The following TRANK1 variants were observed in gnomAD, a reference collection of about 807,000 sequenced individuals.
TRANK1 encodes the protein tetratricopeptide repeat and ankyrin repeat containing 1.
TRANK1 carries 198 observed loss-of-function variants against 266.0 expected under a neutral mutation model. The ratio of observed to expected loss-of-function variants is 0.74; its 90% CI spans 0.66 to 0.84. TRANK1 has a LOEUF of 0.84. Ranked by LOEUF, TRANK1 falls within the 40% of genes least tolerant of loss-of-function variation. TRANK1 has a pLI of 0.00. For missense variants in TRANK1, 3,326 were observed against 3,634.6 expected (o/e 0.92, Z 2.18); for synonymous variants, 1,396 against 1,384.1 (o/e 1.01, Z -0.19).
At chr3:36,885,990 T>C (rs1214547284) in intron 8 of TRANK1, among the ~76,000 whole-genome samples, 2 of 151,868 alleles carry the variant, frequency 1.3e-5, no homozygotes, top group Admixed American at 6.6e-5. Context: ...AAAAAGAAGA[T>C]GAAGAGGGTA....
At chr3:36,837,848 G>C (rs1204238317) in intron 20 of TRANK1, among the ~76,000 whole-genome samples, 1 of 152,166 alleles carries the variant, frequency 6.6e-6, no homozygotes, top group Non-Finnish European at 1.5e-5. Flanking sequence ...ATGAGCACTT[G>C]CCATTGTGGC....
Position 36,855,505 on chromosome 3 carries a change from C to G in TRANK1, c.4217G>C (p.Gly1406Ala). ...CAGAACATCCTCTTCATCAAAATAA[C>G]CTTTCTGGGACCTGATTTGCTGATA... Reference protein sequence around the residue: ...SLYQQIRSQKGYFDEEDVLYN... With the variant: ...SLYQQIRSQKAYFDEEDVLYN... Residue 1406 changes from glycine (G) to alanine (A), a missense_variant, in exon 13 of 24, where the codon GGT becomes GCT. Gly to Ala is a moderately conservative substitution (Grantham distance 60). Coordinates refer to ENST00000645898, the MANE Select transcript of TRANK1 (RefSeq NM_001329998.2). 6.2e-7 allele frequency: 1 copy of G among 1,613,972 alleles called. No homozygotes were observed. The highest frequency in any genetic ancestry group is 8.5e-7 in the Non-Finnish European group (1 of 1,179,880).
Position 36,855,595 on chromosome 3 carries a change from A to C in TRANK1, c.4127T>G (p.Leu1376Ter). 2 of 1,613,626 alleles carry C rather than the reference A, an allele frequency of 1.2e-6. No homozygotes were observed. The highest frequency in any genetic ancestry group is 1.3e-5 in the African/African-American group (1 of 74,912). Residue 1376 changes from leucine to a stop codon, truncating the protein, a stop_gained, in exon 13 of 24, where the codon TTA becomes TGA. Transcript: ENST00000645898. LOFTEE classifies it high-confidence loss of function. Reference protein sequence around the residue: ...GRLTEEVYKKLGRKRCPNFKE... With the variant: ...GRLTEEVYKK Reference sequence around the variant, plus strand: ...GAAATTGGGGCACCGTTTCCTCCCTAATTTCTTATATACTTCTTCAGTGAG... The same window carrying C: ...GAAATTGGGGCACCGTTTCCTCCCTCATTTCTTATATACTTCTTCAGTGAG...
Position 36,855,704 on chromosome 3 carries a change from C to T in TRANK1, c.4018G>A (p.Ala1340Thr), listed in dbSNP as rs1355992461. ...TTCCAAATCAGTGCAGGGTTGTAGG[C>T]AGTCCTCCCTTTGGTCATTTTGGGC... ...IWPKMTKGRT[A>T]YNPALIWKEI... is the part of the protein sequence containing the mutation. The change falls in exon 13 of 24, where the codon GCC becomes ACC. Residue 1340 changes from alanine to threonine, a missense_variant. By Grantham distance (58) the Ala-to-Thr change is moderately conservative. Coordinates refer to ENST00000645898, the MANE Select transcript of TRANK1 (RefSeq NM_001329998.2). 1 of 1,613,644 alleles carries T rather than the reference C, an allele frequency of 6.2e-7. No homozygotes were observed. Among genetic ancestry groups the T allele is most frequent in the African/African-American group, 1.3e-5 (1 of 74,810 alleles).
chr3:36,914,141 G>GT lies in TRANK1; in HGVS notation c.24-5688dup, dbSNP rs200877166. Reference sequence around the variant, plus strand: ...CTGTTTTTGGGTTTGTTTTGTTTTTGTTTTTTTTTTGAGACTGAGTCTCAC... The same window carrying GT: ...CTGTTTTTGGGTTTGTTTTGTTTTTGTTTTTTTTTTTGAGACTGAGTCTCAC... On this transcript the variant is annotated intron_variant, in intron 1 of 23. Transcript: ENST00000645898. Among the ~76,000 whole-genome samples, 402 of 147,856 alleles carry GT rather than the reference G, an allele frequency of 2.7e-3. 2 individuals carry two copies. Among genetic ancestry groups the GT allele is most frequent in the South Asian group, 0.012 (57 of 4,666 alleles).
intron 9 of TRANK1, among the ~76,000 whole-genome samples, chr3:36,865,007 G>GT (rs998232220): frequency 7.7e-5 from 11 of 143,118 alleles, no homozygotes; most frequent in African/African-American, 2.5e-4. Flanking sequence ...GTTTTTGGGG[G>GT]TTTTTTTGTT....
At chr3:36,886,357 C>T (rs1187430587) in intron 8 of TRANK1, among the ~76,000 whole-genome samples, 1 of 151,796 alleles carries the variant, frequency 6.6e-6, no homozygotes, top group Non-Finnish European at 1.5e-5. Context: ...GATCCACCCA[C>T]CTTAGCCTCC....
chr3:36,907,541 T>C (rs1452400526), intron 2 of TRANK1, among the ~76,000 whole-genome samples: 1 of 146,906 alleles, frequency 6.8e-6, no homozygotes, highest in Non-Finnish European at 1.5e-5. Flanking sequence ...CTCGGCTCAC[T>C]GCAAGCTCCA....
intron 13 of TRANK1, 112 bp from the exon 14 acceptor site, chr3:36,852,457 A>G: frequency 3.0e-6 from 3 of 997,100 alleles, no homozygotes; most frequent in East Asian, 2.6e-5. Context: ...CCCCTACAGT[A>G]TGTATAATTG....
chr3:36,921,920 T>C (rs971275678), intron 1 of TRANK1, among the ~76,000 whole-genome samples: 2 of 152,210 alleles, frequency 1.3e-5, no homozygotes, highest in African/African-American at 4.8e-5. Flanking sequence ...GCTGGGAGGA[T>C]TGCTTGAGCT....
intron 8 of TRANK1, among the ~76,000 whole-genome samples, chr3:36,877,933 C>T (rs2079413259): frequency 6.6e-6 from 1 of 152,146 alleles, no homozygotes; most frequent in Non-Finnish European, 1.5e-5. Flanking sequence ...CTGGCTTCTG[C>T]TGAACCAGTA....
Position 36,832,673 on chromosome 3 carries a change from T to C in TRANK1, c.6910A>G (p.Arg2304Gly). The stretch of plus-strand genomic sequence containing the variant: ...TGGATGTACTCCTTCAAAGCAAATC[T>C]GTAGAACCGGAAGGATTTGTAATTT... ...KPNYKSFRFYRFALKEYIHFL... is the reference protein window; with the variant it reads ...KPNYKSFRFYGFALKEYIHFL... Residue 2304 changes from arginine to glycine, a missense_variant, in exon 22 of 24, where the codon AGA (arginine) becomes GGA (glycine). By Grantham distance (125) the Arg-to-Gly change is moderately radical. Coordinates refer to ENST00000645898, the MANE Select transcript of TRANK1 (RefSeq NM_001329998.2). The C allele has an allele frequency of 6.8e-6, 11 of 1,614,064 alleles. No homozygotes were observed. The highest frequency in any genetic ancestry group is 9.3e-6 in the Non-Finnish European group (11 of 1,179,902).
At chr3:36,882,812 G>T (rs1328968276) in intron 8 of TRANK1, among the ~76,000 whole-genome samples, 1 of 152,030 alleles carries the variant, frequency 6.6e-6, no homozygotes, top group East Asian at 1.9e-4. Flanking sequence ...AAGAAAAATG[G>T]GAAAGAGACA....
chr3:36,831,018 C>A lies in TRANK1; in HGVS notation c.8565G>T (p.Val2855=). 17 of 1,614,018 alleles carry A rather than the reference C, an allele frequency of 1.1e-5. No individual in the cohort carries two copies. Among genetic ancestry groups the A allele is most frequent in the Non-Finnish European group, 1.4e-5 (17 of 1,179,898 alleles). Residue 2855 remains valine (V), a synonymous_variant, in exon 22 of 24, where the codon GTG becomes GTT. Transcript: ENST00000645898. The surrounding 1 kb of genome is among the most constrained non-coding windows in gnomAD (Gnocchi z 5.0). ...ATACACTTTGCTCGATGTCCTGCACCACCAGCTTGCCTTCATCAATGGCCG... is the reference window on the plus strand; with the variant it reads ...ATACACTTTGCTCGATGTCCTGCACAACCAGCTTGCCTTCATCAATGGCCG... The part of the protein sequence containing the change: ...VDPAIDEGKL[V]VQDIEQSVWI...
intron 8 of TRANK1, among the ~76,000 whole-genome samples, chr3:36,877,836 CTATT>C (rs1292615268): frequency 6.6e-6 from 1 of 152,146 alleles, no homozygotes; most frequent in Non-Finnish European, 1.5e-5. Context: ...GAATACAAAA[CTATT>C]TATTGACCAT....
Position 36,908,441 on chromosome 3 carries a change from C to T in TRANK1, c.37G>A (p.Ala13Thr). The change falls in exon 2 of 24, where the codon GCT becomes ACT. Residue 13 changes from alanine to threonine, a missense_variant. Coordinates refer to ENST00000645898, the MANE Select transcript of TRANK1 (RefSeq NM_001329998.2). ...GATTCTTTCAGCAGCTCAGCGTAAG[C>T]TGTCAGGTCCATCCTGTGAGGAGAC... ...DPRAARMDLTAYAELLKESGN... is the reference protein window; with the variant it reads ...DPRAARMDLTTYAELLKESGN... The T allele has an allele frequency of 1.6e-6, 2 of 1,232,224 alleles. No homozygotes were observed. Among genetic ancestry groups the T allele is most frequent in the Non-Finnish European group, 2.0e-6 (2 of 987,976 alleles). 76.3% of individuals were successfully genotyped at this position (1,232,224 alleles called of 1,614,324 possible). A position where few individuals can be genotyped will look rare whatever the true frequency, so the allele number is the denominator to read the frequency against.
intron 15 of TRANK1, chr3:36,850,255 A>T: frequency 2.0e-6 from 2 of 985,476 alleles, no homozygotes; most frequent in Non-Finnish European, 2.4e-6. Flanking sequence ...AGGGTTAATG[A>T]GTGTGCATCT....
intron 9 of TRANK1, among the ~76,000 whole-genome samples, chr3:36,867,685 TACTGA>T (rs1303279518): frequency 2.0e-5 from 3 of 152,310 alleles, no homozygotes; most frequent in Non-Finnish European, 2.9e-5. Flanking sequence ...ACTACGTAAG[TACTGA>T]ACAACAAAAG....
At chr3:36,940,431 C>T (rs1196648004) in intron 1 of TRANK1, among the ~76,000 whole-genome samples, 1 of 150,940 alleles carries the variant, frequency 6.6e-6, no homozygotes, top group Non-Finnish European at 1.5e-5. Flanking sequence ...ACCTGGGAAG[C>T]AGAGCTGGCA....
Sources: allele counts gnomAD v4.1 joint callset (sites outside exome capture counted in the v4.1 genomes callset), GRCh38; gene constraint gnomAD v4.1.1; non-coding constraint Gnocchi (gnomAD v3.1); transcripts MANE v1.5; gene names NCBI Gene and HGNC (gene_info 2026-07-23, HGNC 2026-07-21).